CEMIP: variants seen among roughly 807,000 people sequenced by gnomAD.
CEMIP encodes cell migration-inducing and hyaluronan-binding protein.
In CEMIP, 105 loss-of-function variants were observed where a neutral mutation model predicts 156.9. That is an observed-to-expected ratio of 0.67 (90% CI 0.57 to 0.79). The LOEUF (loss-of-function observed/expected upper bound fraction) is 0.79, where lower values mean the gene tolerates loss of function less well. CEMIP is among the 30% of genes least tolerant of loss of function. The pLI, the probability that CEMIP is intolerant of heterozygous loss-of-function variation, is 0.00. For missense variants in CEMIP, 1,457 were observed against 1,769.4 expected (o/e 0.82, Z 3.17); for synonymous variants, 676 against 668.4 (o/e 1.01, Z -0.17).
intron 1 of CEMIP, among the ~76,000 whole-genome samples, chr15:80,838,714 A>T (rs1897319895): frequency 6.6e-6 from 1 of 152,150 alleles, no homozygotes; most frequent in Non-Finnish European, 1.5e-5. Flanking sequence ...AGTGGCAACC[A>T]CTATTGACAC....
At chr15:80,911,550 CACACA>C in intron 14 of CEMIP, among the ~76,000 whole-genome samples, 2 of 152,092 alleles carry the variant, frequency 1.3e-5, no homozygotes, top group African/African-American at 4.8e-5. Flanking sequence ...CACACACACA[CACACA>C]CCCTGGAGTG....
chr15:80,940,421 A>G (rs374235020), intron 25 of CEMIP, among the ~76,000 whole-genome samples: 6 of 152,222 alleles, frequency 3.9e-5, no homozygotes, highest in African/African-American at 1.4e-4. Flanking sequence ...GCTTGGTCCC[A>G]GGAGTGGTTT....
At chr15:80,788,394 C>G (rs1339246862) in intron 1 of CEMIP, among the ~76,000 whole-genome samples, 2 of 150,672 alleles carry the variant, frequency 1.3e-5, no homozygotes, top group East Asian at 3.9e-4. Flanking sequence ...TTGCTTGAAC[C>G]CGAGAGGTGG....
chr15:80,815,441 T>C (rs1485903987), intron 1 of CEMIP, among the ~76,000 whole-genome samples: 3 of 152,268 alleles, frequency 2.0e-5, no homozygotes, highest in African/African-American at 7.2e-5. Context: ...TGTTTGGCTA[T>C]GAGGATTAGA....
chr15:80,944,455 A>G (rs1485140570), intron 28 of CEMIP, among the ~76,000 whole-genome samples: 1 of 152,142 alleles, frequency 6.6e-6, no homozygotes, highest in African/African-American at 2.4e-5. Context: ...CAGTTCACTC[A>G]GGAGCCACAA....
intron 1 of CEMIP, among the ~76,000 whole-genome samples, chr15:80,790,944 A>G (rs1896065628): frequency 6.6e-6 from 1 of 152,218 alleles, no homozygotes; most frequent in Non-Finnish European, 1.5e-5. Context: ...ACAAAGCAAT[A>G]TGGAAGCACT....
chr15:80,889,697 C>G, intron 10 of CEMIP, 105 bp downstream of exon 10: 1 of 1,463,918 alleles, frequency 6.8e-7, no homozygotes, highest in Non-Finnish European at 9.4e-7. Flanking sequence ...TTCTCGTTGC[C>G]CTCCTGTGAG....
intron 14 of CEMIP, among the ~76,000 whole-genome samples, chr15:80,919,841 G>C (rs1324521111): frequency 6.6e-6 from 1 of 150,808 alleles, no homozygotes; most frequent in Non-Finnish European, 1.5e-5. Context: ...ACCATCCCAT[G>C]CTTTGTCCCA....
chr15:80,882,812 G>A (rs1416865319), intron 6 of CEMIP, among the ~76,000 whole-genome samples: 2 of 152,020 alleles, frequency 1.3e-5, no homozygotes, highest in African/African-American at 2.4e-5. Context: ...GCAGGCAAAA[G>A]TCATCTGAGA....
chr15:80,848,953 A>ATTTTTTTTTTTTTTTTTTTTTTTTTT (rs764417438), intron 1 of CEMIP, among the ~76,000 whole-genome samples: 1 of 72,462 alleles, frequency 1.4e-5, no homozygotes, highest in Non-Finnish European at 2.4e-5. Flanking sequence ...CTCTTTAGAA[A>ATTTTTTTTTTTTTTTTTTTTTTTTTT]TTTTTTTTTT....
At chr15:80,817,858 ACTT>A (rs1453851508) in intron 1 of CEMIP, among the ~76,000 whole-genome samples, 1 of 152,102 alleles carries the variant, frequency 6.6e-6, no homozygotes, top group Non-Finnish European at 1.5e-5. Context: ...TAAATGCACC[ACTT>A]CTTGTAAAAA....
At position 80,925,770 on chromosome 15, in the gene CEMIP, C is replaced by A; in HGVS notation, c.2420+15C>A. The A allele has an allele frequency of 6.2e-7, 1 of 1,610,156 alleles. No homozygotes were observed. On this transcript the variant is annotated intron_variant, in intron 19 of 29. Coordinates refer to ENST00000394685, the MANE Select transcript of CEMIP (RefSeq NM_001293298.2). The stretch of plus-strand genomic sequence containing the variant: ...GACAGCTGCCGGTGAGTCAGAGCGG[C>A]GTGTGGCTTTGGCACAAAGGGGGCA...
chr15:80,792,217 C>T (rs1023483645), intron 1 of CEMIP, among the ~76,000 whole-genome samples: 1 of 152,192 alleles, frequency 6.6e-6, no homozygotes, highest in African/African-American at 2.4e-5. Context: ...CAAGATGGTT[C>T]TAATCAGACA....
At chr15:80,791,251 T>C (rs530161139) in intron 1 of CEMIP, among the ~76,000 whole-genome samples, 3 of 152,186 alleles carry the variant, frequency 2.0e-5, no homozygotes, top group Non-Finnish European at 2.9e-5. Flanking sequence ...GTGTGATCAA[T>C]TGGTGGGTGT....
At chr15:80,791,814 C>A (rs373680994) in intron 1 of CEMIP, among the ~76,000 whole-genome samples, 49 of 152,232 alleles carry the variant, frequency 3.2e-4, no homozygotes, top group Non-Finnish European at 5.4e-4. Flanking sequence ...GCAGCAGAGG[C>A]GGCAGAGGGA....
intron 1 of CEMIP, among the ~76,000 whole-genome samples, chr15:80,811,003 A>T (rs753917121): frequency 2.0e-5 from 3 of 152,130 alleles, no homozygotes; most frequent in Non-Finnish European, 4.4e-5. Context: ...CGCAGACATC[A>T]TGCTTCTCAT....
At chr15:80,911,144 G>A (rs1489377292) in intron 14 of CEMIP, among the ~76,000 whole-genome samples, 1 of 152,216 alleles carries the variant, frequency 6.6e-6, no homozygotes, top group African/African-American at 2.4e-5. Context: ...AGCAAGCAGA[G>A]AACATGGAAA....
chr15:80,882,743 C>T (rs534466035), intron 6 of CEMIP, among the ~76,000 whole-genome samples: 5 of 140,222 alleles, frequency 3.6e-5, no homozygotes, highest in African/African-American at 1.3e-4. Context: ...AGATAATAAG[C>T]GCATGCACAC....
At chr15:80,922,840 G>A (rs1164355842) in intron 17 of CEMIP, among the ~76,000 whole-genome samples, 6 of 152,150 alleles carry the variant, frequency 3.9e-5, no homozygotes, top group Non-Finnish European at 7.3e-5. Flanking sequence ...CATGGGATTG[G>A]AGCTTGGAGC....
Sources: gnomAD v4.1 joint callset for allele counts (sites outside exome capture counted in the v4.1 genomes callset) on GRCh38, gnomAD v4.1.1 for gene constraint, MANE v1.5 for transcripts, NCBI Gene and HGNC (gene_info 2026-07-23, HGNC 2026-07-21) for gene names.